ZNF562: variants seen among roughly 807,000 people sequenced by gnomAD.
ZNF562 encodes the protein zinc finger protein 562.
A neutral mutation model predicts 17.5 loss-of-function variants in ZNF562; 13 were observed. The observed-to-expected ratio is 0.74, with a 90% CI of 0.48 to 1.18. The LOEUF is 1.18. ZNF562 is among the 50% of genes most tolerant of loss of function. ZNF562 has a pLI of 0.00. For missense variants in ZNF562, 481 were observed against 498.5 expected, an observed-to-expected ratio of 0.96 and a Z score of 0.33; for synonymous variants, 163 against 165.4, an observed-to-expected ratio of 0.99 and a Z score of 0.11.
rs898802534 is a variant in ZNF562, at chr19:9,649,450, C to A, written c.*3499G>T. On this transcript the variant is annotated 3_prime_UTR_variant, in exon 6 of 6. Coordinates refer to ENST00000453372, the MANE Select transcript of ZNF562 (RefSeq NM_001130031.2). ...ACAAAGCCACATTTCTCTTCTTTCA[C>A]AAGCAAATGGGAGAAATATCACTGA... 14 of 152,206 alleles carry A rather than the reference C, an allele frequency of 9.2e-5. No homozygotes were observed. Among genetic ancestry groups the A allele is most frequent in the Non-Finnish European group, 1.8e-4 (12 of 68,038 alleles). The allele number at this position is 152,206 out of a possible 1,614,324, so 9.4% of individuals were successfully genotyped here. A position where few individuals can be genotyped will look rare whatever the true frequency, so the allele number is the denominator to read the frequency against.
In ZNF562 at chr19:9,658,034, C is replaced by T. The variant is rs2043582288; in HGVS notation, c.216G>A (p.Glu72=). 6.2e-7 allele frequency: 1 copy of T among 1,613,188 alleles called. No individual in the cohort carries two copies. The change falls in exon 4 of 6, where the codon GAG becomes GAA. Residue 72 remains glutamate (E), a synonymous_variant. Transcript: ENST00000453372. The part of the protein sequence containing the change: ...QKYLYRDVML[E]NYMNLASVDF... ...CCACAGAGGCCAGGTTCATGTAGTT[C>T]TCCAGCATCACATCTCTGTAGAGGT...
chr19:9,660,207 G>A (rs1014214520), intron 2 of ZNF562, among the ~76,000 whole-genome samples: 1 of 151,690 alleles, frequency 6.6e-6, no homozygotes, highest in Non-Finnish European at 1.5e-5. Flanking sequence ...AGGTTTCAGT[G>A]AGCCAAGGTT....
chr19:9,671,251 T>A (rs1290126194), intron 1 of ZNF562, among the ~76,000 whole-genome samples: 1 of 152,208 alleles, frequency 6.6e-6, no homozygotes, highest in Admixed American at 6.5e-5. Context: ...GTTCATCTAT[T>A]ATGAATCAAA....
At chr19:9,671,102 A>G (rs1444217576) in intron 1 of ZNF562, among the ~76,000 whole-genome samples, 1 of 152,164 alleles carries the variant, frequency 6.6e-6, no homozygotes, top group Non-Finnish European at 1.5e-5. Flanking sequence ...CTTAATACGC[A>G]TCTATCATAC....
At position 9,660,860 on chromosome 19, in the gene ZNF562, G is replaced by A. The variant is rs984014217; in HGVS notation, c.-116C>T. On this transcript the variant is annotated 5_prime_UTR_variant, in exon 2 of 6. Transcript: ENST00000453372. ...GGCAATCTCCATTCCCCTTTGTACA[G>A]GGTTATCTGAGGCCCTGTTCATACC... 1.9e-6 allele frequency: 2 copies of A among 1,033,192 alleles called. No individual in the cohort carries two copies. Among genetic ancestry groups the A allele is most frequent in the Admixed American group, 4.3e-5 (2 of 46,412 alleles). The allele number at this position is 1,033,192 out of a possible 1,614,324, so 64.0% of individuals were successfully genotyped here.
rs1302963969 is a variant in ZNF562, at chr19:9,648,802, A to G, written c.*4147T>C. Reference sequence around the variant, plus strand: ...ACCACATCATTTCATTGAAGTATTTATTAGGTACCATCATGAGCTAGGTGC... The same window carrying G: ...ACCACATCATTTCATTGAAGTATTTGTTAGGTACCATCATGAGCTAGGTGC... On this transcript the variant is annotated 3_prime_UTR_variant, in exon 6 of 6. Coordinates refer to ENST00000453372, the MANE Select transcript of ZNF562 (RefSeq NM_001130031.2). 6.6e-6 allele frequency: 1 copy of G among 151,962 alleles called. No individual in the cohort carries two copies. Among genetic ancestry groups the G allele is most frequent in the East Asian group, 1.9e-4 (1 of 5,188 alleles). The allele number at this position is 151,962 out of a possible 1,614,324, so 9.4% of individuals were successfully genotyped here.
rs140853231 is a variant in ZNF562, at chr19:9,665,154, G to A, written c.-130-4280C>T. Among the ~76,000 whole-genome samples, 28 of 151,722 alleles carry A rather than the reference G, an allele frequency of 1.8e-4. No individual in the cohort carries two copies. The East Asian group carries it at 4.5e-3, about 24-fold the overall frequency. Reference sequence around the variant, plus strand: ...GGAGAATTGCTTGAACCTGGGAGGCGGAGGTTGCAGTGAGCCAAGATCGTG... The same window carrying A: ...GGAGAATTGCTTGAACCTGGGAGGCAGAGGTTGCAGTGAGCCAAGATCGTG... On this transcript the variant is annotated intron_variant, in intron 1 of 5. Transcript: ENST00000453372.
chr19:9,669,734 G>GCGCGCACACACACACA (rs1221319747), intron 1 of ZNF562, among the ~76,000 whole-genome samples: 1 of 109,302 alleles, frequency 9.1e-6, no homozygotes, highest in Non-Finnish European at 1.9e-5. Context: ...GCGCGCGCGC[G>GCGCGCACACACACACA]CACACACACA....
At chr19:9,659,340 A>G (rs778183389) in intron 3 of ZNF562, 39 bp downstream of exon 3, 1 of 1,507,380 alleles carries the variant, frequency 6.6e-7, no homozygotes, top group Non-Finnish European at 9.0e-7. Flanking sequence ...TATTGGATGT[A>G]AGTATGTCAT....
intron 1 of ZNF562, among the ~76,000 whole-genome samples, chr19:9,666,502 A>G (rs971185386): frequency 2.6e-5 from 4 of 152,086 alleles, no homozygotes; most frequent in Non-Finnish European, 4.4e-5. Context: ...ATACTAGAAA[A>G]GCAAAAACAA....
chr19:9,645,237 G>C lies in ZNF562; in HGVS notation c.*7712C>G, dbSNP rs2074798809. Reference sequence around the variant, plus strand: ...AATTTTTGTATTTTTAGTAGAGATGGGGGTTCACCATGTTGCCCAAAATGG... The same window carrying C: ...AATTTTTGTATTTTTAGTAGAGATGCGGGTTCACCATGTTGCCCAAAATGG... On this transcript the variant is annotated 3_prime_UTR_variant, in exon 6 of 6. Transcript: ENST00000453372. 6.6e-6 allele frequency: 1 copy of C among 152,046 alleles called. No homozygotes were observed. Among genetic ancestry groups the C allele is most frequent in the Non-Finnish European group, 1.5e-5 (1 of 68,048 alleles). The allele number at this position is 152,046 out of a possible 1,614,324, so 9.4% of individuals were successfully genotyped here.
At chr19:9,658,163 A>G (rs2043589819) in intron 3 of ZNF562, 28 bp from the exon 4 acceptor site, 1 of 1,603,296 alleles carries the variant, frequency 6.2e-7, no homozygotes, top group Non-Finnish European at 8.5e-7. Flanking sequence ...TGCTGGTTTG[A>G]GCCAATGAAC....
chr19:9,660,868 T>A lies in ZNF562; in HGVS notation c.-124A>T. ...CCATTCCCCTTTGTACAGGGTTATC[T>A]GAGGCCCTGTTCATACCAATCACCA... On this transcript the variant is annotated 5_prime_UTR_variant, in exon 2 of 6. Transcript: ENST00000453372. The A allele has an allele frequency of 1.1e-6, 1 of 902,564 alleles. No individual in the cohort carries two copies. The highest frequency in any genetic ancestry group is 1.7e-6 in the Non-Finnish European group (1 of 584,188). The allele number at this position is 902,564 out of a possible 1,614,324, so 55.9% of individuals were successfully genotyped here. A position where few individuals can be genotyped will look rare whatever the true frequency, so the allele number is the denominator to read the frequency against.
rs937284145 is a variant in ZNF562, at chr19:9,660,902, G to A, written c.-130-28C>T. 1.7e-5 allele frequency: 10 copies of A among 594,338 alleles called. No homozygotes were observed. The Admixed American group carries it at 2.7e-4, about 16-fold the overall frequency. The allele number at this position is 594,338 out of a possible 1,614,324, so 36.8% of individuals were successfully genotyped here. ...GTTCATACCAATCACCAAACAACAA[G>A]CATCAAACATCAGTCATTGAACATT... On this transcript the variant is annotated intron_variant, in intron 1 of 5. Coordinates refer to ENST00000453372, the MANE Select transcript of ZNF562 (RefSeq NM_001130031.2).
At chr19:9,668,015 C>T (rs1033915319) in intron 1 of ZNF562, among the ~76,000 whole-genome samples, 11 of 152,090 alleles carry the variant, frequency 7.2e-5, no homozygotes, top group Non-Finnish European at 1.3e-4. Context: ...CATTTATATA[C>T]GCCAACGGTG....
In ZNF562 at chr19:9,649,038, A is replaced by G. The variant is rs2074832860; in HGVS notation, c.*3911T>C. 6.6e-6 allele frequency: 1 copy of G among 152,294 alleles called. No individual in the cohort carries two copies. 9.4% of individuals were successfully genotyped at this position (152,294 alleles called of 1,614,324 possible). ...GGACCCCAAACGGGGGGACTGGCTGAAGCCATGGCAGAAAAACATGGATTG... is the reference window on the plus strand; with the variant it reads ...GGACCCCAAACGGGGGGACTGGCTGGAGCCATGGCAGAAAAACATGGATTG... On this transcript the variant is annotated 3_prime_UTR_variant, in exon 6 of 6. Coordinates refer to ENST00000453372, the MANE Select transcript of ZNF562 (RefSeq NM_001130031.2).
Position 9,653,140 on chromosome 19 carries a change from G to A in ZNF562, c.1090C>T (p.Arg364Ter), listed in dbSNP as rs1405355701. 5.6e-6 allele frequency: 9 copies of A among 1,611,406 alleles called. No homozygotes were observed. The highest frequency in any genetic ancestry group is 2.2e-5 in the South Asian group (2 of 90,796). ...TAGGGTTTCTCTCCAGTGTGATTTC[G>A]TATGTGTATAGCAAGGCCCGTGTAC... ...TQYTGLAIHI[R>*]NHTGEKPYQC... The change falls in exon 6 of 6, where the codon CGA becomes TGA. Residue 364 changes from arginine (R) to a stop codon, truncating the protein, a stop_gained. Coordinates refer to ENST00000453372, the MANE Select transcript of ZNF562 (RefSeq NM_001130031.2). LOFTEE classifies it low-confidence loss of function (END_TRUNC).
At chr19:9,664,507 G>C (rs1409638886) in intron 1 of ZNF562, among the ~76,000 whole-genome samples, 1 of 152,168 alleles carries the variant, frequency 6.6e-6, no homozygotes, top group Non-Finnish European at 1.5e-5. Flanking sequence ...CTTTCCTTTT[G>C]ACAAGACCCT....
intron 1 of ZNF562, among the ~76,000 whole-genome samples, chr19:9,669,717 A>C (rs60114382): frequency 0.018 from 1,782 of 98,884 alleles, 49 homozygotes; most frequent in African/African-American, 0.054. Flanking sequence ...CACGCGCGCG[A>C]GCGCGCGCGC....
Sources: allele counts gnomAD v4.1 joint callset (sites outside exome capture counted in the v4.1 genomes callset), GRCh38; gene constraint gnomAD v4.1.1; transcripts MANE v1.5; gene names NCBI Gene and HGNC (gene_info 2026-07-23, HGNC 2026-07-21).